The following DPP8 variants were observed in gnomAD, a reference collection of about 807,000 sequenced individuals.
DPP8 encodes the protein DPP VIII.
A neutral mutation model predicts 107.5 loss-of-function variants in DPP8; 31 were observed. The ratio of observed to expected loss-of-function variants is 0.29; its 90% CI spans 0.22 to 0.39. DPP8 has a LOEUF of 0.39. Ranked by LOEUF, DPP8 falls within the 10% of genes least tolerant of loss-of-function variation. DPP8 has a pLI of 1.00. For synonymous variants in DPP8, 381 were observed against 356.6 expected (o/e 1.07, Z -0.77); for missense variants, 842 against 1,076.1 (o/e 0.78, Z 3.04).
At chr15:65,501,194 T>G (rs2069201678) in intron 3 of DPP8, among the ~76,000 whole-genome samples, 1 of 152,070 alleles carries the variant, frequency 6.6e-6, no homozygotes, top group Non-Finnish European at 1.5e-5. Flanking sequence ...ATTTTTTTTT[T>G]CAGCCTTCTA....
Position 65,443,304 on chromosome 15 carries a change from CCTCT to C in DPP8, c.*3576_*3579del, listed in dbSNP as rs950499150. On this transcript the variant is annotated 3_prime_UTR_variant, in exon 20 of 20. Transcript: ENST00000300141. ...CTGTGTGGTCGTGGGTATATTTCCT[CCTCT>C]CTCTCTAGCATGTAGGTTGTTCTTC... 2 of 152,120 alleles carry C rather than the reference CCTCT, an allele frequency of 1.3e-5. No individual in the cohort carries two copies. Among genetic ancestry groups the C allele is most frequent in the African/African-American group, 2.4e-5 (1 of 41,416 alleles). 9.4% of individuals were successfully genotyped at this position (152,120 alleles called of 1,614,324 possible). A position where few individuals can be genotyped will look rare whatever the true frequency, so the allele number is the denominator to read the frequency against.
At chr15:65,491,559 A>T (rs1567240676) in intron 5 of DPP8, among the ~76,000 whole-genome samples, 3 of 152,228 alleles carry the variant, frequency 2.0e-5, no homozygotes, top group Non-Finnish European at 4.4e-5. Context: ...ATGTAAATGA[A>T]ATCATACAGT....
At chr15:65,489,962 G>A (rs538626558) in intron 6 of DPP8, among the ~76,000 whole-genome samples, 19 of 150,868 alleles carry the variant, frequency 1.3e-4, no homozygotes, top group Admixed American at 1.3e-3. Flanking sequence ...CGGGTGATCC[G>A]CCTGCCTCGG....
intron 14 of DPP8, 65 bp from the exon 15 acceptor site, chr15:65,463,971 C>T (rs2065126215): frequency 3.2e-6 from 4 of 1,255,730 alleles, no homozygotes; most frequent in African/African-American, 1.5e-5. Context: ...AATCTGGGAA[C>T]AAGAAACAAG....
At chr15:65,486,080 C>A (rs1435151190) in intron 7 of DPP8, among the ~76,000 whole-genome samples, 1 of 139,790 alleles carries the variant, frequency 7.2e-6, no homozygotes, top group East Asian at 2.1e-4. Context: ...GGCGACACAG[C>A]GAGACTCTGT....
intron 11 of DPP8, chr15:65,475,713 G>GT (rs2066323345): frequency 7.6e-6 from 4 of 527,402 alleles, no homozygotes; most frequent in Non-Finnish European, 6.9e-6. Context: ...AATAACCCAG[G>GT]TAAGTGTTTA....
intron 10 of DPP8, among the ~76,000 whole-genome samples, chr15:65,479,850 CAAAAAAA>C (rs56303808): frequency 3.0e-5 from 2 of 66,786 alleles, no homozygotes; most frequent in Non-Finnish European, 5.9e-5. Context: ...GACTCCGTCT[CAAAAAAA>C]AAAAAAAAAA....
chr15:65,482,965 C>T (rs925211445), intron 8 of DPP8, among the ~76,000 whole-genome samples: 1 of 151,774 alleles, frequency 6.6e-6, no homozygotes, highest in East Asian at 1.9e-4. Context: ...GGCATCTTGG[C>T]GGGCACCTGT....
At position 65,481,620 on chromosome 15, in the gene DPP8, TAA is replaced by T; in HGVS notation, c.1018-7_1018-6del. ...CTTATCTATGACATCTATGATCTAT[TAA>T]AAAAGAAAAAAAAAGAATCTAGTTA... On this transcript the variant is annotated splice_polypyrimidine_tract_variant and splice_region_variant and intron_variant, in intron 8 of 19. Coordinates refer to ENST00000300141, the MANE Select transcript of DPP8 (RefSeq NM_130434.5). 7.3e-7 allele frequency: 1 copy of T among 1,374,192 alleles called. No homozygotes were observed. The highest frequency in any genetic ancestry group is 9.9e-7 in the Non-Finnish European group (1 of 1,007,338). The allele number at this position is 1,374,192 out of a possible 1,614,324, so 85.1% of individuals were successfully genotyped here.
intron 12 of DPP8, among the ~76,000 whole-genome samples, chr15:65,469,156 G>A (rs538280643): frequency 6.6e-6 from 1 of 151,944 alleles, no homozygotes; most frequent in East Asian, 2.0e-4. Context: ...TGTATTTTGA[G>A]TAGAGACGGG....
Position 65,452,055 on chromosome 15 carries a change from T to C in DPP8, c.2319A>G (p.Thr773=). 1 of 1,611,868 alleles carries C rather than the reference T, an allele frequency of 6.2e-7. No homozygotes were observed. The stretch of plus-strand genomic sequence containing the variant: ...GACCCATATAACGTTCCGTGTATCC[T>C]GTATCATAGAAGATCCACAGAGTGA... ...APVTLWIFYD[T]GYTERYMGHP... Residue 773 remains threonine, a synonymous_variant, in exon 18 of 20, where the codon ACA becomes ACG. Transcript: ENST00000300141.
intron 19 of DPP8, among the ~76,000 whole-genome samples, chr15:65,450,398 A>G (rs2063891818): frequency 6.6e-6 from 1 of 152,212 alleles, no homozygotes; most frequent in African/African-American, 2.4e-5. Context: ...CAAAAAGCTT[A>G]AAAACTACTG....
chr15:65,469,418 G>A (rs1199288296), intron 12 of DPP8, among the ~76,000 whole-genome samples: 2 of 151,572 alleles, frequency 1.3e-5, no homozygotes, highest in African/African-American at 4.8e-5. Flanking sequence ...ACTTTGGGAG[G>A]TGGAGGCGGC....
intron 3 of DPP8, among the ~76,000 whole-genome samples, chr15:65,505,062 C>T (rs2069784378): frequency 6.6e-6 from 1 of 151,750 alleles, no homozygotes. Context: ...TTCTTTAAAA[C>T]TGTCTGAGCA....
intron 17 of DPP8, among the ~76,000 whole-genome samples, chr15:65,452,391 T>A (rs927543863): frequency 6.6e-6 from 1 of 152,078 alleles, no homozygotes; most frequent in Non-Finnish European, 1.5e-5. Context: ...AACTGAACTA[T>A]ATCCTGCTAC....
intron 5 of DPP8, among the ~76,000 whole-genome samples, chr15:65,494,917 T>A (rs2068429725): frequency 1.3e-5 from 2 of 152,184 alleles, no homozygotes; most frequent in East Asian, 1.9e-4. Context: ...TCTCTACCCA[T>A]GCTTCTCAAA....
At chr15:65,455,807 A>G (rs2064364123) in intron 16 of DPP8, 1 of 1,290,378 alleles carries the variant, frequency 7.7e-7, no homozygotes, top group Non-Finnish European at 1.0e-6. Flanking sequence ...CAGAAAGGAC[A>G]TGGGGCATCT....
At chr15:65,483,527 G>T (rs1000580794) in intron 8 of DPP8, among the ~76,000 whole-genome samples, 2 of 151,434 alleles carry the variant, frequency 1.3e-5, no homozygotes, top group African/African-American at 4.9e-5. Flanking sequence ...TCTCTTTTTT[G>T]TATTTTTAGT....
rs753116215 is a variant in DPP8 at position 65,498,026 on chromosome 15, G to T, written c.553C>A (p.Pro185Thr). The part of the protein sequence containing the change: ...DGGPQGFTQQ[P>T]LRPNLVETSC... ...GTTTCCACTAGATTGGGCCTTAAAG[G>T]TTGTTGCTAGAAAAGTAAACAACAT... Residue 185 changes from proline to threonine, a missense_variant, in exon 5 of 20, where the codon CCT (proline) becomes ACT (threonine). Physicochemically the swap from Pro to Thr is conservative, Grantham distance 38 (BLOSUM62 -1). Around this residue, in one of 2 missense-constraint regions of DPP8, gnomAD observed 663 missense variants for 758.0 expected, o/e 0.87. Coordinates refer to ENST00000300141, the MANE Select transcript of DPP8 (RefSeq NM_130434.5). The T allele has an allele frequency of 4.4e-6, 7 of 1,587,706 alleles. No individual in the cohort carries two copies. The highest frequency in any genetic ancestry group is 5.2e-6 in the Non-Finnish European group (6 of 1,164,514).
Sources: gnomAD v4.1 joint callset for allele counts (sites outside exome capture counted in the v4.1 genomes callset) on GRCh38, gnomAD v4.1.1 for gene constraint, gnomAD v4.1.1 regional missense constraint, MANE v1.5 for transcripts, NCBI Gene and HGNC (gene_info 2026-07-23, HGNC 2026-07-21) for gene names.